EBF3: variants seen among roughly 807,000 people sequenced by gnomAD.
The protein encoded by EBF3 is transcription factor COE3.
A neutral mutation model predicts 77.1 loss-of-function variants in EBF3; 18 were observed. The ratio of observed to expected loss-of-function variants is 0.23; its 90% CI spans 0.16 to 0.35. The LOEUF (loss-of-function observed/expected upper bound fraction) is 0.35, where lower values mean the gene tolerates loss of function less well. EBF3 is among the 10% of genes least tolerant of loss of function. The pLI is 1.00. For missense variants in EBF3, 558 were observed against 860.0 expected (o/e 0.65, Z 4.39); for synonymous variants, 350 against 343.5 (o/e 1.02, Z -0.21).
intron 6 of EBF3, among the ~76,000 whole-genome samples, chr10:129,945,080 GGAA>G (rs1858080480): frequency 3.3e-5 from 2 of 60,870 alleles, no homozygotes; most frequent in Non-Finnish European, 6.5e-5. Flanking sequence ...GGAGGGGAGG[GGAA>G]GAGAGGAGAA....
At chr10:129,838,128 T>C (rs950719570) in intron 16 of EBF3, among the ~76,000 whole-genome samples, 168 bp from the exon 17 acceptor site, 1 of 152,234 alleles carries the variant, frequency 6.6e-6, no homozygotes, top group Non-Finnish European at 1.5e-5. Flanking sequence ...GGAATCTGCT[T>C]CCTGAGGTGG....
intron 14 of EBF3, 50 bp from the exon 15 acceptor site, chr10:129,840,492 C>A: frequency 1.3e-6 from 2 of 1,528,342 alleles, no homozygotes; most frequent in Non-Finnish European, 1.8e-6. Flanking sequence ...CACAGCGCCA[C>A]GGCGAGAGGG....
intron 8 of EBF3, among the ~76,000 whole-genome samples, chr10:129,869,995 A>C (rs977575729): frequency 9.9e-5 from 15 of 151,428 alleles, no homozygotes; most frequent in South Asian, 4.2e-4. Flanking sequence ...TAATTCACAA[A>C]AAAAAAAAAT....
At chr10:129,961,649 G>A (rs1411920567) in intron 4 of EBF3, among the ~76,000 whole-genome samples, 1 of 152,162 alleles carries the variant, frequency 6.6e-6, no homozygotes, top group Admixed American at 6.5e-5. Flanking sequence ...GCTGCGAGGT[G>A]AAGATGGACT....
In EBF3 at chr10:129,944,775, C is replaced by G. The variant is rs1366581182; in HGVS notation, c.554+12483G>C. 6.6e-6 allele frequency among the ~76,000 whole-genome samples: 1 copy of G among 151,872 alleles called. No individual in the cohort carries two copies. The highest frequency in any genetic ancestry group is 6.6e-5 in the Admixed American group (1 of 15,252). On this transcript the variant is annotated intron_variant, in intron 6 of 16. Transcript: ENST00000440978. The surrounding 1 kb of genome is among the most constrained non-coding windows in gnomAD (Gnocchi z 5.1). ...TTTTCTTCTGCAATTCACATTTTACCTGGTGAAATATCATAAGAATTTCAT... is the reference window on the plus strand; with the variant it reads ...TTTTCTTCTGCAATTCACATTTTACGTGGTGAAATATCATAAGAATTTCAT...
intron 6 of EBF3, among the ~76,000 whole-genome samples, chr10:129,909,941 G>A (rs116890446): frequency 0.014 from 2,066 of 152,364 alleles, 22 homozygotes; most frequent in Non-Finnish European, 0.023. Flanking sequence ...AAGTTAATGG[G>A]GGATTCAGGC....
rs34706080 is a variant in EBF3, at chr10:129,925,085, C to CGTGT, written c.554+32169_554+32172dup. Among the ~76,000 whole-genome samples the CGTGT allele has an allele frequency of 3.3e-5, 5 of 151,364 alleles. No homozygotes were observed. In the South Asian group the frequency reaches 6.3e-4, roughly 19 times the overall value. On this transcript the variant is annotated intron_variant, in intron 6 of 16. Transcript: ENST00000440978. ...GCAAAATGTGGTGTGTGTGTGCACG[C>CGTGT]GTGTGTGTGTGTGTGTGTGCGTGTG...
intron 8 of EBF3, among the ~76,000 whole-genome samples, chr10:129,873,175 A>G (rs2134106439): frequency 6.6e-6 from 1 of 152,374 alleles, no homozygotes; most frequent in South Asian, 2.1e-4. Context: ...CAAATAAATT[A>G]AAATCGCAAG....
At chr10:129,941,326 G>A (rs1857721465) in intron 6 of EBF3, among the ~76,000 whole-genome samples, 1 of 152,222 alleles carries the variant, frequency 6.6e-6, no homozygotes, top group Non-Finnish European at 1.5e-5. Flanking sequence ...GAAACACAAG[G>A]CCTCAAAGCA....
chr10:129,877,722 A>T, intron 7 of EBF3, 46 bp downstream of exon 7: 1 of 1,531,498 alleles, frequency 6.5e-7, no homozygotes, highest in African/African-American at 1.4e-5. Context: ...CAAATTTGGT[A>T]TGAAAAGTCA....
At position 129,867,165 on chromosome 10, in the gene EBF3, C is replaced by T. The variant is rs754227108; in HGVS notation, c.1015G>A (p.Ala339Thr). 1 of 1,613,974 alleles carries T rather than the reference C, an allele frequency of 6.2e-7. No homozygotes were observed. The highest frequency in any genetic ancestry group is 1.1e-5 in the South Asian group (1 of 91,068). The stretch of plus-strand genomic sequence containing the variant: ...CCGGTGTAGACAAAGCGCCCAGGAG[C>T]ACCTTTGCAGAACTGCTTGGATTTG... Reference protein sequence around the residue: ...SYKSKQFCKGAPGRFVYTALN... With the variant: ...SYKSKQFCKGTPGRFVYTALN... Residue 339 changes from alanine to threonine, a missense_variant, in exon 10 of 17, where the codon GCT becomes ACT. By Grantham distance (58) the Ala-to-Thr change is moderately conservative. Around this residue, in one of 5 missense-constraint regions of EBF3, gnomAD observed 112 missense variants for 207.7 expected, o/e 0.54. Coordinates refer to ENST00000440978, the MANE Select transcript of EBF3 (RefSeq NM_001375380.1).
intron 10 of EBF3, among the ~76,000 whole-genome samples, chr10:129,860,297 G>A (rs879799504): frequency 5.3e-5 from 8 of 151,666 alleles, no homozygotes; most frequent in African/African-American, 7.3e-5. Context: ...GGTGAGGAGC[G>A]GGACCAGAGG....
Position 129,842,116 on chromosome 10 carries a change from C to T in EBF3, c.1372G>A (p.Val458Ile), listed in dbSNP as rs1445988039. Residue 458 changes from valine to isoleucine, a missense_variant and splice_region_variant, in exon 13 of 17, where the codon GTC becomes ATC. Around this residue, in one of 5 missense-constraint regions of EBF3, gnomAD observed 284 missense variants for 368.3 expected, o/e 0.77. Coordinates refer to ENST00000440978, the MANE Select transcript of EBF3 (RefSeq NM_001375380.1). The surrounding 1 kb of genome is among the most constrained non-coding windows in gnomAD (Gnocchi z 4.4). ...GGGTCCTCCCAGCATGCTGGCATAC[C>T]TTGGTCGTTGGCTTGTGACGTCTCT... The part of the protein sequence containing the change: ...VSETSQANDQ[V>I]GYSRNTSSVS... 2 of 1,614,230 alleles carry T rather than the reference C, an allele frequency of 1.2e-6. No individual in the cohort carries two copies. Among genetic ancestry groups the T allele is most frequent in the Non-Finnish European group, 1.7e-6 (2 of 1,180,044 alleles).
chr10:129,865,052 T>C (rs1009009928), intron 10 of EBF3, among the ~76,000 whole-genome samples: 1 of 152,160 alleles, frequency 6.6e-6, no homozygotes, highest in African/African-American at 2.4e-5. Flanking sequence ...CACCAGGTCT[T>C]TGCACGGGGC....
At chr10:129,844,613 TA>T (rs1296536856) in intron 11 of EBF3, among the ~76,000 whole-genome samples, 1 of 152,184 alleles carries the variant, frequency 6.6e-6, no homozygotes, top group African/African-American at 2.4e-5. Context: ...TTATCAAGAT[TA>T]ATCACTACGG....
At chr10:129,886,743 C>T (rs952401332) in intron 6 of EBF3, among the ~76,000 whole-genome samples, 1 of 152,028 alleles carries the variant, frequency 6.6e-6, no homozygotes, top group Non-Finnish European at 1.5e-5. Context: ...TCTTTCCCTT[C>T]TTGTTTTAAA....
chr10:129,930,537 CCT>C (rs1856941520), intron 6 of EBF3, among the ~76,000 whole-genome samples: 1 of 143,558 alleles, frequency 7.0e-6, no homozygotes, highest in African/African-American at 2.7e-5. Flanking sequence ...AACAAATCCC[CCT>C]CTCATATACC....
chr10:129,890,035 C>T (rs1853911373), intron 6 of EBF3, among the ~76,000 whole-genome samples: 1 of 140,368 alleles, frequency 7.1e-6, no homozygotes, highest in African/African-American at 2.7e-5. Context: ...GTTCATGTAC[C>T]AGAGGTAGTG....
Position 129,957,314 on chromosome 10 carries a change from G to A in EBF3, c.498C>T (p.Asp166=), listed in dbSNP as rs373227621. 1 of 1,608,582 alleles carries A rather than the reference G, an allele frequency of 6.2e-7. No homozygotes were observed. Among genetic ancestry groups the A allele is most frequent in the Non-Finnish European group, 8.5e-7 (1 of 1,176,510 alleles). ...CGTTTCTATTGCCACAACTTTTCTT[G>A]TCACAGCACCGGCTGTGGAGCAATT... ...THEIMCSRCC[D]KKSCGNRNET... The change falls in exon 6 of 17, where the codon GAC becomes GAT. Residue 166 remains aspartate (D), a synonymous_variant. Coordinates refer to ENST00000440978, the MANE Select transcript of EBF3 (RefSeq NM_001375380.1).
Sources: allele counts gnomAD v4.1 joint callset (sites outside exome capture counted in the v4.1 genomes callset), GRCh38; gene constraint gnomAD v4.1.1; regional missense constraint gnomAD v4.1.1; non-coding constraint Gnocchi (gnomAD v3.1); transcripts MANE v1.5; gene names NCBI Gene and HGNC (gene_info 2026-07-23, HGNC 2026-07-21).